SNTG1: variants seen among roughly 807,000 people sequenced by gnomAD.
SNTG1 encodes syntrophin gamma 1.
SNTG1 carries 39 observed loss-of-function variants against 74.7 expected under a neutral mutation model. The ratio of observed to expected loss-of-function variants is 0.52; its 90% CI spans 0.40 to 0.68. The LOEUF is 0.68. SNTG1 is among the 30% of genes least tolerant of loss of function. SNTG1 has a pLI of 0.00. For missense variants in SNTG1, 685 were observed against 609.5 expected (o/e 1.12, Z -1.30); for synonymous variants, 254 against 217.1 (o/e 1.17, Z -1.49).
chr8:50,546,241 AG>A (rs1288493332), intron 11 of SNTG1, among the ~76,000 whole-genome samples: 1 of 151,948 alleles, frequency 6.6e-6, no homozygotes, highest in African/African-American at 2.4e-5. Context: ...GATAAAAAAA[AG>A]TTTGTAAGAA....
chr8:50,168,545 G>A lies in SNTG1; in HGVS notation c.-102-4016G>A, dbSNP rs569233094. ...ACAAAACCTTAACACATCCGTGTGT[G>A]TATACATGTATATGCATGTGTATAT... On this transcript the variant is annotated intron_variant, in intron 1 of 18. Coordinates refer to ENST00000642720, the MANE Select transcript of SNTG1 (RefSeq NM_018967.5). Among the ~76,000 whole-genome samples the A allele has an allele frequency of 7.9e-5, 12 of 152,100 alleles. No homozygotes were observed. The East Asian group carries it at 1.7e-3, about 22-fold the overall frequency.
chr8:50,739,590 G>A (rs1329648397), intron 17 of SNTG1, among the ~76,000 whole-genome samples: 1 of 151,548 alleles, frequency 6.6e-6, no homozygotes, highest in African/African-American at 2.4e-5. Flanking sequence ...GCTGGGGGAG[G>A]GATAGCATTA....
intron 13 of SNTG1, among the ~76,000 whole-genome samples, chr8:50,633,987 T>C (rs897157588): frequency 6.6e-6 from 1 of 152,176 alleles, no homozygotes; most frequent in African/African-American, 2.4e-5. Flanking sequence ...TAATTGAGAA[T>C]AGCTGCATAT....
chr8:50,750,090 G>A (rs1482469901), intron 17 of SNTG1, among the ~76,000 whole-genome samples: 5 of 152,008 alleles, frequency 3.3e-5, no homozygotes, highest in Admixed American at 2.0e-4. Context: ...ATTCATGGGA[G>A]GAGGTCAAAA....
intron 1 of SNTG1, among the ~76,000 whole-genome samples, chr8:49,987,063 T>C (rs1251189439): frequency 1.3e-5 from 2 of 152,224 alleles, no homozygotes; most frequent in Admixed American, 1.3e-4. Context: ...TGGAAAAGTA[T>C]GACAAATTAC....
chr8:50,105,341 T>C lies in SNTG1; in HGVS notation c.-102-67220T>C, dbSNP rs1220583433. ...TTTGTTGAAATCAGATGGTTGTAGG[T>C]GTGTAGTTTTATTTCTGCACTCTCC... On this transcript the variant is annotated intron_variant, in intron 1 of 18. Coordinates refer to ENST00000642720, the MANE Select transcript of SNTG1 (RefSeq NM_018967.5). Among the ~76,000 whole-genome samples the C allele has an allele frequency of 2.0e-5, 3 of 152,102 alleles. No individual in the cohort carries two copies. The East Asian group carries it at 5.8e-4, about 29-fold the overall frequency.
chr8:50,525,281 T>G (rs2094211007), intron 9 of SNTG1, among the ~76,000 whole-genome samples: 1 of 152,180 alleles, frequency 6.6e-6, no homozygotes, highest in African/African-American at 2.4e-5. Flanking sequence ...AAATTGCATT[T>G]TTTTCTTGCA....
chr8:50,333,768 C>T (rs2091046833), intron 2 of SNTG1, among the ~76,000 whole-genome samples: 1 of 151,886 alleles, frequency 6.6e-6, no homozygotes, highest in Admixed American at 6.6e-5. Flanking sequence ...CTTGATTGAC[C>T]AAAATAAACT....
chr8:50,459,391 G>T (rs571187280), intron 8 of SNTG1, among the ~76,000 whole-genome samples: 1 of 151,876 alleles, frequency 6.6e-6, no homozygotes, highest in Admixed American at 6.6e-5. Context: ...TTTTATTTGA[G>T]CATTTTATTT....
intron 1 of SNTG1, among the ~76,000 whole-genome samples, chr8:49,947,186 A>G (rs752460585): frequency 2.0e-5 from 3 of 152,140 alleles, no homozygotes; most frequent in Non-Finnish European, 4.4e-5. Context: ...TTGTAATCCC[A>G]GCTACTTGGG....
In SNTG1 at chr8:49,969,385, A is replaced by ATATTTTTTTTTTTTTTTTTTTTT. The variant is rs1811434626; in HGVS notation, c.-103+57155_-103+57156insATTTTTTTTTTTTTTTTTTTTTT. Reference sequence around the variant, plus strand: ...GCAAATACACATTTTAATTCATTTAATCTTTTTTTTTTTTTTTTTTTTTTT... The same window carrying ATATTTTTTTTTTTTTTTTTTTTT: ...GCAAATACACATTTTAATTCATTTAATATTTTTTTTTTTTTTTTTTTTTTCTTTTTTTTTTTTTTTTTTTTTTT... On this transcript the variant is annotated intron_variant, in intron 1 of 18. Coordinates refer to ENST00000642720, the MANE Select transcript of SNTG1 (RefSeq NM_018967.5). 1.7e-5 allele frequency among the ~76,000 whole-genome samples: 2 copies of ATATTTTTTTTTTTTTTTTTTTTT among 116,628 alleles called. 1 individual carries two copies. 76.5% of individuals were successfully genotyped at this position (116,628 alleles called of 152,430 possible).
intron 4 of SNTG1, among the ~76,000 whole-genome samples, chr8:50,412,266 C>G (rs1002504692): frequency 4.6e-5 from 7 of 152,022 alleles, no homozygotes; most frequent in Non-Finnish European, 7.4e-5. Flanking sequence ...ACATATAAAG[C>G]AAATTTATTG....
chr8:50,011,749 T>G (rs1359683147), intron 1 of SNTG1: 1 of 152,202 alleles, frequency 6.6e-6, no homozygotes, highest in Non-Finnish European at 1.5e-5. Flanking sequence ...GAATATATTT[T>G]GTTAAACCAT....
At chr8:50,251,245 G>C (rs1204028933) in intron 2 of SNTG1, among the ~76,000 whole-genome samples, 2 of 151,750 alleles carry the variant, frequency 1.3e-5, no homozygotes, top group Admixed American at 1.3e-4. Context: ...ATGAGAAAGA[G>C]AAAAGAAACA....
chr8:50,202,129 A>G (rs1027028925), intron 2 of SNTG1, among the ~76,000 whole-genome samples: 1 of 152,080 alleles, frequency 6.6e-6, no homozygotes, highest in African/African-American at 2.4e-5. Context: ...GTTGTTTCAT[A>G]TATTTGTAAT....
intron 2 of SNTG1, among the ~76,000 whole-genome samples, chr8:50,182,343 A>G (rs771209922): frequency 6.6e-6 from 1 of 152,168 alleles, no homozygotes; most frequent in Non-Finnish European, 1.5e-5. Flanking sequence ...TGGCAGATCA[A>G]CAACTGTCTC....
In SNTG1 at chr8:50,699,582, A is replaced by G. The variant is rs564659867; in HGVS notation, c.1039-5018A>G. On this transcript the variant is annotated intron_variant, in intron 15 of 18. Transcript: ENST00000642720. Reference sequence around the variant, plus strand: ...AGAGAACTTGGAACAAATCTAACAAAATAGAAGATACTTCTGGAGAAGTGA... The same window carrying G: ...AGAGAACTTGGAACAAATCTAACAAGATAGAAGATACTTCTGGAGAAGTGA... Among the ~76,000 whole-genome samples the G allele has an allele frequency of 2.0e-5, 3 of 152,312 alleles. No homozygotes were observed. In the South Asian group the frequency reaches 6.2e-4, roughly 32 times the overall value.
intron 5 of SNTG1, among the ~76,000 whole-genome samples, chr8:50,449,241 G>T (rs1021989821): frequency 6.6e-6 from 1 of 152,074 alleles, no homozygotes; most frequent in African/African-American, 2.4e-5. Context: ...TCTGGTAAAG[G>T]TCTCTCTACT....
intron 15 of SNTG1, among the ~76,000 whole-genome samples, chr8:50,680,466 G>A (rs1000748406): frequency 2.6e-5 from 4 of 152,016 alleles, no homozygotes; most frequent in Non-Finnish European, 4.4e-5. Flanking sequence ...CACCAAGAAT[G>A]CAATTTTCAA....
Sources: gnomAD v4.1 joint callset for allele counts (sites outside exome capture counted in the v4.1 genomes callset) on GRCh38, gnomAD v4.1.1 for gene constraint, MANE v1.5 for transcripts, NCBI Gene and HGNC (gene_info 2026-07-23, HGNC 2026-07-21) for gene names.